EPB41L4B: variants seen among roughly 807,000 people sequenced by gnomAD.
EPB41L4B encodes band 4.1-like protein 4B.
A neutral mutation model predicts 112.5 loss-of-function variants in EPB41L4B; 30 were observed. The ratio of observed to expected loss-of-function variants is 0.27; its 90% CI spans 0.20 to 0.36. The LOEUF (loss-of-function observed/expected upper bound fraction) is 0.36. Ranked by LOEUF, EPB41L4B falls within the 10% of genes least tolerant of loss-of-function variation. The probability of loss-of-function intolerance (pLI) is 1.00; values close to 1 mark genes in which losing one functional copy is unlikely to be tolerated. For missense variants in EPB41L4B, 1,024 were observed against 1,133.3 expected (o/e 0.90, Z 1.38); for synonymous variants, 408 against 439.7 (o/e 0.93, Z 0.90).
At position 109,280,696 on chromosome 9, in the gene EPB41L4B, C is replaced by T. The variant is rs115474286; in HGVS notation, c.307-775G>A. 6.1e-3 allele frequency among the ~76,000 whole-genome samples: 933 copies of T among 152,216 alleles called. 6 individuals are homozygous for T. The highest frequency in any genetic ancestry group is 0.021 in the African/African-American group (860 of 41,532). ...CTGAAGTCTCTGACAAATGAAAAGG[C>T]TTCTTAATAGTCACCCAAGCGGAGC... On this transcript the variant is annotated intron_variant, in intron 1 of 25. Coordinates refer to ENST00000374566, the MANE Select transcript of EPB41L4B (RefSeq NM_019114.5).
At chr9:109,251,904 G>A (rs974924777) in intron 12 of EPB41L4B, among the ~76,000 whole-genome samples, 1 of 152,254 alleles carries the variant, frequency 6.6e-6, no homozygotes, top group African/African-American at 2.4e-5. Context: ...CGGGGACGCC[G>A]TGAGGGCCTG....
At chr9:109,266,234 G>A (rs1212809742) in intron 4 of EPB41L4B, among the ~76,000 whole-genome samples, 1 of 152,164 alleles carries the variant, frequency 6.6e-6, no homozygotes. Flanking sequence ...AAATTAGCCA[G>A]GGGTGGTGGC....
At chr9:109,217,815 C>G (rs1287568584) in intron 15 of EPB41L4B, among the ~76,000 whole-genome samples, 1 of 152,130 alleles carries the variant, frequency 6.6e-6, no homozygotes, top group East Asian at 1.9e-4. Flanking sequence ...TCAAGTGGTC[C>G]ACCCTCCTGG....
intron 15 of EPB41L4B, among the ~76,000 whole-genome samples, chr9:109,221,969 A>G (rs982400263): frequency 1.3e-5 from 2 of 152,180 alleles, no homozygotes; most frequent in Admixed American, 1.3e-4. Context: ...AGGGGGAAAG[A>G]GTGCTGTGAT....
At chr9:109,194,452 T>A in intron 20 of EPB41L4B, 55 bp from the exon 21 acceptor site, 1 of 1,572,902 alleles carries the variant, frequency 6.4e-7, no homozygotes, top group Non-Finnish European at 8.7e-7. Flanking sequence ...AAACAGGCTG[T>A]GAGGAGTGGA....
At chr9:109,294,087 ACGAGGTCAG>A (rs1275297238) in intron 1 of EPB41L4B, among the ~76,000 whole-genome samples, 1 of 150,866 alleles carries the variant, frequency 6.6e-6, no homozygotes, top group Non-Finnish European at 1.5e-5. Context: ...CAGGCAGATC[ACGAGGTCAG>A]GAGATCGAGA....
At chr9:109,316,982 G>A (rs1245384540) in intron 1 of EPB41L4B, among the ~76,000 whole-genome samples, 5 of 152,204 alleles carry the variant, frequency 3.3e-5, no homozygotes, top group Middle Eastern at 6.8e-3. Context: ...GTGCACAACC[G>A]CAGTCCCAGC....
intron 23 of EPB41L4B, 38 bp from the exon 24 acceptor site, chr9:109,182,835 T>C (rs756227953): frequency 1.3e-5 from 19 of 1,467,646 alleles, no homozygotes; most frequent in Non-Finnish European, 1.8e-5. Flanking sequence ...TACCTTCAGA[T>C]TAGAAAACAA....
chr9:109,284,553 C>T (rs1379488174), intron 1 of EPB41L4B, among the ~76,000 whole-genome samples: 5 of 152,162 alleles, frequency 3.3e-5, no homozygotes, highest in Admixed American at 1.3e-4. Flanking sequence ...GCTAGGATTA[C>T]GGGCACACCC....
At chr9:109,245,401 C>T (rs926488516) in intron 14 of EPB41L4B, among the ~76,000 whole-genome samples, 1 of 152,216 alleles carries the variant, frequency 6.6e-6, no homozygotes, top group African/African-American at 2.4e-5. Flanking sequence ...CCTTGGTCTC[C>T]TCTGGCAATT....
intron 1 of EPB41L4B, among the ~76,000 whole-genome samples, chr9:109,319,822 G>C (rs1222352145): frequency 6.6e-6 from 1 of 152,108 alleles, no homozygotes; most frequent in East Asian, 2.0e-4. Flanking sequence ...CACACCAGGG[G>C]GGGCGGGGTC....
chr9:109,313,434 G>T (rs1214589792), intron 1 of EPB41L4B, among the ~76,000 whole-genome samples: 1 of 152,226 alleles, frequency 6.6e-6, no homozygotes, highest in African/African-American at 2.4e-5. Flanking sequence ...AGGGTGGTGG[G>T]GGGGCACACC....
At chr9:109,190,644 G>C (rs1026389282) in intron 22 of EPB41L4B, among the ~76,000 whole-genome samples, 1 of 152,220 alleles carries the variant, frequency 6.6e-6, no homozygotes, top group African/African-American at 2.4e-5. Context: ...AACAGGGAAA[G>C]ACACAGACAC....
At chr9:109,189,954 G>T (rs1832401945) in intron 22 of EPB41L4B, among the ~76,000 whole-genome samples, 1 of 147,814 alleles carries the variant, frequency 6.8e-6, no homozygotes, top group Admixed American at 6.7e-5. Context: ...CTTTTCTTTT[G>T]AGATGGACTC....
intron 1 of EPB41L4B, among the ~76,000 whole-genome samples, chr9:109,297,181 G>A (rs1350197234): frequency 1.4e-5 from 2 of 142,134 alleles, no homozygotes; most frequent in East Asian, 2.3e-4. Context: ...AAGGCAGAGG[G>A]AGAAGAGGCA....
chr9:109,267,322 G>A (rs921647278), intron 4 of EPB41L4B, 151 bp downstream of exon 4: 12 of 476,988 alleles, frequency 2.5e-5, no homozygotes, highest in Admixed American at 1.9e-4. Flanking sequence ...GATTTTTAAC[G>A]GAACACGGAA....
chr9:109,203,667 C>T lies in EPB41L4B; in HGVS notation c.1942G>A (p.Val648Ile), dbSNP rs750662126. Residue 648 changes from valine (V) to isoleucine (I), a missense_variant, in exon 19 of 26, where the codon GTA (valine) becomes ATA (isoleucine). Val to Ile is a conservative substitution (Grantham distance 29). Coordinates refer to ENST00000374566, the MANE Select transcript of EPB41L4B (RefSeq NM_019114.5). ...NKKSSLQDAS[V>I]RSPIPIRVET... ...TTCAGACAAGGAGCAACAGACCTTA[C>T]ACTAGCGTCCTGAAGACTGGATTTC... The T allele has an allele frequency of 9.3e-6, 15 of 1,612,070 alleles. No individual in the cohort carries two copies. The highest frequency in any genetic ancestry group is 1.6e-4 in the Middle Eastern group (1 of 6,078).
At chr9:109,276,480 T>A (rs550626725) in intron 2 of EPB41L4B, among the ~76,000 whole-genome samples, 1 of 152,078 alleles carries the variant, frequency 6.6e-6, no homozygotes, top group South Asian at 2.1e-4. Flanking sequence ...GACTAGAGGG[T>A]CCTGGGAACT....
intron 1 of EPB41L4B, among the ~76,000 whole-genome samples, chr9:109,311,583 G>A (rs956000066): frequency 1.3e-5 from 2 of 152,272 alleles, no homozygotes; most frequent in African/African-American, 4.8e-5. Context: ...AGCCAGCTAT[G>A]ACTTTGGGGA....
Sources: gnomAD v4.1 joint callset for allele counts (sites outside exome capture counted in the v4.1 genomes callset) on GRCh38, gnomAD v4.1.1 for gene constraint, MANE v1.5 for transcripts, NCBI Gene and HGNC (gene_info 2026-07-23, HGNC 2026-07-21) for gene names.